The following RICTOR variants were observed in gnomAD, a reference collection of about 807,000 sequenced individuals.
RICTOR encodes rapamycin-insensitive companion of mTOR.
RICTOR carries 49 observed loss-of-function variants against 214.9 expected under a neutral mutation model. The ratio of observed to expected loss-of-function variants is 0.23; its 90% confidence interval spans 0.18 to 0.29. The LOEUF (loss-of-function observed/expected upper bound fraction) is 0.29. RICTOR is among the 10% of genes least tolerant of loss of function. The pLI is 1.00. For missense variants in RICTOR, 1,625 were observed against 2,047.0 expected (o/e 0.79, Z 3.98); for synonymous variants, 717 against 711.3 (o/e 1.01, Z -0.13).
rs528622524 is a variant in RICTOR at position 38,958,407 on chromosome 5, C to T, written c.2420+36G>A. 8 of 1,400,118 alleles carry T rather than the reference C, an allele frequency of 5.7e-6. No homozygotes were observed. The South Asian group carries it at 5.8e-5, about 10-fold the overall frequency. The allele number at this position is 1,400,118 out of a possible 1,614,324, so 86.7% of individuals were successfully genotyped here. On this transcript the variant is annotated intron_variant, in intron 24 of 37. Coordinates refer to ENST00000357387, the MANE Select transcript of RICTOR (RefSeq NM_152756.5). ...TAATATACACTGCCAAAGAACACAA[C>T]AAAAAAACATAACAGAAAATTTACT...
chr5:38,997,733 A>C (rs1753282104), intron 5 of RICTOR, among the ~76,000 whole-genome samples: 1 of 152,174 alleles, frequency 6.6e-6, no homozygotes, highest in Non-Finnish European at 1.5e-5. Context: ...AAGCACAGGG[A>C]GCTCCACATT....
chr5:38,974,231 G>A (rs1201465382), intron 10 of RICTOR, among the ~76,000 whole-genome samples: 1 of 151,638 alleles, frequency 6.6e-6, no homozygotes, highest in Non-Finnish European at 1.5e-5. Flanking sequence ...TGTATTTTTA[G>A]TAGATACAGG....
At chr5:39,053,369 A>G (rs1268292211) in intron 2 of RICTOR, among the ~76,000 whole-genome samples, 1 of 152,174 alleles carries the variant, frequency 6.6e-6, no homozygotes, top group African/African-American at 2.4e-5. Context: ...TACTACTCTG[A>G]GGATTATGAA....
chr5:38,940,153 A>AAAAC lies in RICTOR; in HGVS notation c.*2150_*2151insGTTT, dbSNP rs1554057795. On this transcript the variant is annotated 3_prime_UTR_variant, in exon 38 of 38. Transcript: ENST00000357387. ...AGTAAAAAAAAAAAACAAAAAAAAAAACACAAAACATTCAGGCCAATACTA... is the reference window on the plus strand; with the variant it reads ...AGTAAAAAAAAAAAACAAAAAAAAAAAAACACACAAAACATTCAGGCCAATACTA... The AAAAC allele has an allele frequency of 1.3e-5, 3 of 228,872 alleles. No individual in the cohort carries two copies. Among genetic ancestry groups the AAAAC allele is most frequent in the African/African-American group, 6.7e-5 (3 of 44,518 alleles). 14.2% of individuals were successfully genotyped at this position (228,872 alleles called of 1,614,324 possible). A position where few individuals can be genotyped will look rare whatever the true frequency, so the allele number is the denominator to read the frequency against.
intron 19 of RICTOR, among the ~76,000 whole-genome samples, chr5:38,961,904 T>C (rs968300486): frequency 6.6e-6 from 1 of 152,046 alleles, no homozygotes. Context: ...GCACGGGTTA[T>C]GGAAGGTGTG....
intron 11 of RICTOR, among the ~76,000 whole-genome samples, chr5:38,968,997 G>T (rs1232628101): frequency 3.0e-5 from 4 of 132,960 alleles, no homozygotes; most frequent in Non-Finnish European, 6.2e-5. Flanking sequence ...TTTTGAGGCA[G>T]TCTCGCTCAT....
At chr5:39,045,818 A>G (rs1221081349) in intron 2 of RICTOR, among the ~76,000 whole-genome samples, 1 of 152,074 alleles carries the variant, frequency 6.6e-6, no homozygotes, top group Non-Finnish European at 1.5e-5. Context: ...TTAGAAACTA[A>G]TAAGGGAGAG....
In RICTOR at chr5:39,003,420, T is replaced by C. The variant is rs552118476; in HGVS notation, c.260+138A>G. 3.0e-5 allele frequency: 16 copies of C among 533,690 alleles called. No homozygotes were observed. In the Admixed American group the frequency reaches 3.2e-4, roughly 11 times the overall value. 33.1% of individuals were successfully genotyped at this position (533,690 alleles called of 1,614,324 possible). The stretch of plus-strand genomic sequence containing the variant: ...AAACAAAACTACTGTAGCTCTTAGA[T>C]TTTTTCTAATGTTCAAGCAACTATT... On this transcript the variant is annotated intron_variant, in intron 4 of 37. Transcript: ENST00000357387.
At chr5:38,962,609 A>C (rs1299710576) in intron 17 of RICTOR, 23 bp from the exon 18 acceptor site, 2 of 1,294,976 alleles carry the variant, frequency 1.5e-6, no homozygotes, top group East Asian at 2.3e-5. Context: ...GAAAGTAATA[A>C]GAAAAATTAA....
chr5:38,978,118 C>G (rs1751393353), intron 9 of RICTOR, among the ~76,000 whole-genome samples: 1 of 151,758 alleles, frequency 6.6e-6, no homozygotes, highest in Admixed American at 6.6e-5. Context: ...GCCTTTCTCT[C>G]CAAAAACACC....
intron 6 of RICTOR, among the ~76,000 whole-genome samples, chr5:38,992,206 G>C (rs1202126862): frequency 1.3e-5 from 2 of 152,056 alleles, no homozygotes; most frequent in Non-Finnish European, 2.9e-5. Context: ...ATCTACAAAA[G>C]CTTTCATATT....
chr5:39,038,860 A>G (rs1406472091), intron 2 of RICTOR, among the ~76,000 whole-genome samples: 2 of 152,180 alleles, frequency 1.3e-5, no homozygotes, highest in African/African-American at 4.8e-5. Flanking sequence ...ACGGGTAGGA[A>G]GAATCAATAT....
intron 2 of RICTOR, among the ~76,000 whole-genome samples, chr5:39,054,098 A>C (rs989275429): frequency 6.6e-6 from 1 of 152,156 alleles, no homozygotes; most frequent in Non-Finnish European, 1.5e-5. Flanking sequence ...GAAAGAAAGA[A>C]TAGGTTAAAA....
chr5:39,029,787 G>A (rs1756127067), intron 2 of RICTOR, among the ~76,000 whole-genome samples: 1 of 152,132 alleles, frequency 6.6e-6, no homozygotes, highest in South Asian at 2.1e-4. Flanking sequence ...CAAAATGTGA[G>A]ATATAACTTC....
In RICTOR at chr5:38,944,195, T is replaced by C. The variant is rs1285268803; in HGVS notation, c.4913+251A>G. 8.4e-5 allele frequency: 47 copies of C among 561,478 alleles called. No individual in the cohort carries two copies. The highest frequency in any genetic ancestry group is 5.0e-5 in the Non-Finnish European group (15 of 297,568). The allele number at this position is 561,478 out of a possible 1,614,324, so 34.8% of individuals were successfully genotyped here. On this transcript the variant is annotated intron_variant, in intron 36 of 37. Transcript: ENST00000357387. ...GAAGAGTGGCATTATTTTACATTTT[T>C]TGCAGATCTCTTCAAAAGTCTGGCT...
chr5:39,020,890 C>G (rs1266333856), intron 3 of RICTOR, 149 bp downstream of exon 3: 2 of 590,700 alleles, frequency 3.4e-6, no homozygotes, highest in East Asian at 2.8e-5. Context: ...TTAAGATACA[C>G]TGGACAAAAT....
intron 6 of RICTOR, among the ~76,000 whole-genome samples, chr5:38,992,024 G>A (rs80263375): frequency 0.023 from 3,513 of 152,130 alleles, 138 homozygotes; most frequent in African/African-American, 0.08. Context: ...TATAACTAAT[G>A]AAAGACACAC....
At position 38,939,860 on chromosome 5, in the gene RICTOR, ATAATT is replaced by A. The variant is rs1361257527; in HGVS notation, c.*2439_*2443del. The A allele has an allele frequency of 5.8e-5, 13 of 224,220 alleles. No individual in the cohort carries two copies. The highest frequency in any genetic ancestry group is 1.7e-4 in the Admixed American group (3 of 17,470). The allele number at this position is 224,220 out of a possible 1,614,324, so 13.9% of individuals were successfully genotyped here. On this transcript the variant is annotated 3_prime_UTR_variant, in exon 38 of 38. Transcript: ENST00000357387. ...GATATCATTCCTAACCTCTTCTGCT[ATAATT>A]TAATATTTTTAAACACTTAAGTTAA...
At chr5:39,051,078 C>T (rs1757810489) in intron 2 of RICTOR, among the ~76,000 whole-genome samples, 1 of 151,890 alleles carries the variant, frequency 6.6e-6, no homozygotes, top group Non-Finnish European at 1.5e-5. Context: ...CCTACACACA[C>T]ACACACGCGG....
Sources: gnomAD v4.1 joint callset for allele counts (sites outside exome capture counted in the v4.1 genomes callset) on GRCh38, gnomAD v4.1.1 for gene constraint, MANE v1.5 for transcripts, NCBI Gene and HGNC (gene_info 2026-07-23, HGNC 2026-07-21) for gene names.